The following DNAJC9 variants were observed in gnomAD, a reference collection of about 807,000 sequenced individuals.
The protein encoded by DNAJC9 is DnaJ heat shock protein family (Hsp40) member C9.
Under a neutral mutation model 32.4 loss-of-function variants are expected in DNAJC9, and 18 were observed. The observed-to-expected ratio is 0.56, with a 90% CI of 0.38 to 0.82. The LOEUF (loss-of-function observed/expected upper bound fraction) is 0.82. DNAJC9 is among the 40% of genes least tolerant of loss of function. DNAJC9 has a pLI of 0.00. For synonymous variants in DNAJC9, 113 were observed against 122.1 expected (o/e 0.93, Z 0.49); for missense variants, 310 against 321.8 (o/e 0.96, Z 0.28).
At chr10:73,243,645 A>G in intron 4 of DNAJC9, 126 bp from the exon 5 acceptor site, 1 of 1,305,446 alleles carries the variant, frequency 7.7e-7, no homozygotes, top group Non-Finnish European at 1.1e-6. Context: ...GGAATGGTGA[A>G]AATGTCCTAC....
In DNAJC9 at chr10:73,243,209, T is replaced by C. The variant is rs2043973586; in HGVS notation, c.*191A>G. 1.7e-6 allele frequency: 1 copy of C among 597,562 alleles called. No individual in the cohort carries two copies. The highest frequency in any genetic ancestry group is 2.9e-6 in the Non-Finnish European group (1 of 348,204). The allele number at this position is 597,562 out of a possible 1,614,324, so 37.0% of individuals were successfully genotyped here. ...TTCCTTCAGGTGAGACCTCACACAA[T>C]GTCAAGTGCTTTCTAGGAAATACTA... is the stretch of plus-strand genomic sequence containing the variant. On this transcript the variant is annotated 3_prime_UTR_variant, in exon 5 of 5. Coordinates refer to ENST00000372950, the MANE Select transcript of DNAJC9 (RefSeq NM_015190.5).
At chr10:73,235,688 GAGTTGGGACTTTAATAA>G (rs1415562399), downstream of DNAJC9, among the ~76,000 whole-genome samples, 4 of 152,148 alleles carry the variant, frequency 2.6e-5, no homozygotes, top group Non-Finnish European at 5.9e-5. Context: ...GTGGATGAGT[GAGTTGGGACTTTAATAA>G]AAAATTTTTT....
intron 3 of DNAJC9, chr10:73,244,641 T>C (rs931432521): frequency 6.6e-6 from 1 of 152,038 alleles, no homozygotes; most frequent in African/African-American, 2.4e-5. Context: ...TTCTCCCCAG[T>C]AGTCAGAAGA....
intron 2 of DNAJC9, among the ~76,000 whole-genome samples, 173 bp downstream of exon 2, chr10:73,246,515 G>A (rs528169404): frequency 6.6e-5 from 10 of 152,246 alleles, no homozygotes; most frequent in Admixed American, 3.9e-4. Flanking sequence ...CACATTAACA[G>A]GAAATTTAAA....
chr10:73,237,634 C>T (rs1311521001), downstream of DNAJC9, among the ~76,000 whole-genome samples: 1 of 152,212 alleles, frequency 6.6e-6, no homozygotes, highest in East Asian at 1.9e-4. Context: ...GTTGCCCAGG[C>T]TGGTCTTGAA....
chr10:73,243,962 AC>A, intron 3 of DNAJC9, 33 bp from the exon 4 acceptor site: 1 of 1,567,300 alleles, frequency 6.4e-7, no homozygotes, highest in Non-Finnish European at 8.7e-7. Context: ...ACTCAGGGCC[AC>A]CAGGAAATGC....
chr10:73,243,094 A>G lies in DNAJC9; in HGVS notation c.*306T>C, dbSNP rs1279418254. 2.3e-5 allele frequency: 7 copies of G among 300,912 alleles called. No homozygotes were observed. The highest frequency in any genetic ancestry group is 1.1e-4 in the African/African-American group (5 of 45,300). 18.6% of individuals were successfully genotyped at this position (300,912 alleles called of 1,614,324 possible). A position where few individuals can be genotyped will look rare whatever the true frequency, so the allele number is the denominator to read the frequency against. ...CAGCATGAACAGAACCACATCCTAG[A>G]TAAGAGTTCTGTGTACAGAAGATCC... On this transcript the variant is annotated 3_prime_UTR_variant, in exon 5 of 5. Coordinates refer to ENST00000372950, the MANE Select transcript of DNAJC9 (RefSeq NM_015190.5).
chr10:73,241,447 C>T (rs1373306557), downstream of DNAJC9: 1 of 184,906 alleles, frequency 5.4e-6, no homozygotes, highest in Non-Finnish European at 1.1e-5. Context: ...GAGAGTTGTA[C>T]TCAGTTTTAA....
chr10:73,240,862 G>C, downstream of DNAJC9: 1 of 792,910 alleles, frequency 1.3e-6, no homozygotes, highest in African/African-American at 1.8e-5. Flanking sequence ...TTCATAATTG[G>C]AGCAAAAAAG....
chr10:73,245,469 A>T (rs1214586275), intron 3 of DNAJC9, among the ~76,000 whole-genome samples: 1 of 151,748 alleles, frequency 6.6e-6, no homozygotes, highest in Non-Finnish European at 1.5e-5. Flanking sequence ...AAAAAAGAAA[A>T]GAAAAATTCT....
At chr10:73,235,101 C>T (rs2133409668), downstream of DNAJC9, 2 of 1,462,196 alleles carry the variant, frequency 1.4e-6, no homozygotes, top group Non-Finnish European at 1.9e-6. Flanking sequence ...TTGGCCTGCA[C>T]TTACCATATC....
downstream of DNAJC9, among the ~76,000 whole-genome samples, chr10:73,238,301 C>T (rs773402464): frequency 6.6e-6 from 1 of 152,148 alleles, no homozygotes; most frequent in Non-Finnish European, 1.5e-5. Context: ...GAGCCGAGAT[C>T]GTGCCATTGC....
At chr10:73,246,260 A>T in intron 2 of DNAJC9, 84 bp from the exon 3 acceptor site, 1 of 1,396,598 alleles carries the variant, frequency 7.2e-7, no homozygotes, top group Non-Finnish European at 9.8e-7. Context: ...TTGGGTGTTG[A>T]ATTGCTGCAA....
chr10:73,238,137 G>C (rs1224414274), downstream of DNAJC9, among the ~76,000 whole-genome samples: 1 of 152,030 alleles, frequency 6.6e-6, no homozygotes, highest in Non-Finnish European at 1.5e-5. Flanking sequence ...CCTGAAGTCA[G>C]GAGTTTGAGA....
downstream of DNAJC9, among the ~76,000 whole-genome samples, chr10:73,236,881 A>T (rs868036962): frequency 1.3e-5 from 2 of 151,104 alleles, no homozygotes; most frequent in African/African-American, 2.4e-5. Flanking sequence ...ATGCCCTGCT[A>T]ATTTTTTTAT....
At chr10:73,243,740 C>A (rs552394659) in intron 4 of DNAJC9, 103 bp downstream of exon 4, 3 of 1,169,254 alleles carry the variant, frequency 2.6e-6, no homozygotes, top group African/African-American at 1.5e-5. Context: ...AGAAGGTATG[C>A]GGTTATGTCT....
chr10:73,247,098 A>T lies in DNAJC9; in HGVS notation c.92T>A (p.Val31Asp). Residue 31 changes from valine to aspartate, a missense_variant, in exon 1 of 5, where the codon GTC (valine) becomes GAC (aspartate). Coordinates refer to ENST00000372950, the MANE Select transcript of DNAJC9 (RefSeq NM_015190.5). ...GGACACCTTGTGGTAGCCTCGTCGG[A>T]CCTCGCCGTCGGAGGCCTCGCGTCG... ...GVRREASDGE[V>D]RRGYHKVSLQ... 6.3e-7 allele frequency: 1 copy of T among 1,595,912 alleles called. No individual in the cohort carries two copies.
chr10:73,241,293 A>AC (rs1365458878), downstream of DNAJC9: 2 of 412,790 alleles, frequency 4.8e-6, no homozygotes, highest in Non-Finnish European at 9.1e-6. Context: ...AGTGAATAAT[A>AC]CCCAAATCAC....
chr10:73,245,784 T>A, intron 3 of DNAJC9, 138 bp downstream of exon 3: 1 of 1,059,470 alleles, frequency 9.4e-7, no homozygotes, highest in Non-Finnish European at 1.3e-6. Flanking sequence ...TATGCCCATT[T>A]TATTAGATCG....
Sources: allele counts gnomAD v4.1 joint callset (sites outside exome capture counted in the v4.1 genomes callset), GRCh38; gene constraint gnomAD v4.1.1; transcripts MANE v1.5; gene names NCBI Gene and HGNC (gene_info 2026-07-23, HGNC 2026-07-21).